The following BCAS3 variants were observed in gnomAD, a reference collection of about 807,000 sequenced individuals.
The protein encoded by BCAS3 is BCAS3 microtubule associated cell migration factor.
A neutral mutation model predicts 116.1 loss-of-function variants in BCAS3; 53 were observed. The ratio of observed to expected loss-of-function variants is 0.46; its 90% CI spans 0.37 to 0.57. The LOEUF (loss-of-function observed/expected upper bound fraction) is 0.57, where lower values mean the gene tolerates loss of function less well. Among genes scored for constraint, BCAS3 ranks in the 20% least tolerant of loss-of-function variants. BCAS3 has a pLI of 0.00. For missense variants in BCAS3, 917 were observed against 1,165.4 expected, an observed-to-expected ratio of 0.79 and a Z score of 3.10; for synonymous variants, 391 against 408.2, an observed-to-expected ratio of 0.96 and a Z score of 0.51.
In BCAS3 at chr17:61,354,072, A is replaced by G. The variant is rs1252365510; in HGVS notation, c.2426-14255A>G. On this transcript the variant is annotated intron_variant, in intron 22 of 23. Coordinates refer to ENST00000407086, the MANE Select transcript of BCAS3 (RefSeq NM_017679.5). This position sits in a 1 kb window ranked among gnomAD's most constrained non-coding sequence, Gnocchi z 4.5. ...CCCCGCTGGTTCTACTTCCGCACCC[A>G]CCTCTGGCAGCCATGATGCTTCTGC... 1 of 151,972 alleles carries G rather than the reference A, an allele frequency of 6.6e-6. No homozygotes were observed. The highest frequency in any genetic ancestry group is 1.5e-5 in the Non-Finnish European group (1 of 68,062). 9.4% of individuals were successfully genotyped at this position (151,972 alleles called of 1,614,324 possible).
intron 6 of BCAS3, among the ~76,000 whole-genome samples, chr17:60,802,360 A>C (rs1364444454): frequency 7.8e-6 from 1 of 128,256 alleles, no homozygotes; most frequent in Non-Finnish European, 1.5e-5. Context: ...ACACACATAC[A>C]TACATACATA....
At chr17:60,948,336 A>G (rs1047646309) in intron 14 of BCAS3, among the ~76,000 whole-genome samples, 16 of 152,100 alleles carry the variant, frequency 1.1e-4, no homozygotes, top group Non-Finnish European at 1.9e-4. Context: ...CTCTTGACCA[A>G]GCTGGTCTCA....
chr17:60,815,656 C>A (rs1431730310), intron 7 of BCAS3, among the ~76,000 whole-genome samples: 1 of 152,126 alleles, frequency 6.6e-6, no homozygotes, highest in Non-Finnish European at 1.5e-5. Flanking sequence ...ATAGGTGATA[C>A]GAGGAACCAT....
At position 61,318,599 on chromosome 17, in the gene BCAS3, T is replaced by G. The variant is rs148344919; in HGVS notation, c.2426-49728T>G. ...AACTGCCAACAGATGACGGGTTATT[T>G]CCCGTGTTTCTCCCCACCCTGCAGT... On this transcript the variant is annotated intron_variant, in intron 22 of 23. Transcript: ENST00000407086. Among the ~76,000 whole-genome samples the G allele has an allele frequency of 5.1e-4, 78 of 152,264 alleles. No homozygotes were observed. In the East Asian group the frequency reaches 0.015, roughly 28 times the overall value.
intron 19 of BCAS3, among the ~76,000 whole-genome samples, chr17:61,047,215 C>A (rs2068435599): frequency 6.6e-6 from 1 of 151,874 alleles, no homozygotes; most frequent in Non-Finnish European, 1.5e-5. Flanking sequence ...TGCTGTATCA[C>A]AAATTGATAC....
At chr17:60,688,463 AT>A (rs1220629980) in intron 3 of BCAS3, among the ~76,000 whole-genome samples, 1 of 151,510 alleles carries the variant, frequency 6.6e-6, no homozygotes, top group East Asian at 2.0e-4. Context: ...CCATGCCCAG[AT>A]TTTTTTTCTG....
chr17:61,358,019 C>A (rs2058251237), intron 22 of BCAS3, among the ~76,000 whole-genome samples: 1 of 150,302 alleles, frequency 6.7e-6, no homozygotes, highest in South Asian at 2.1e-4. Context: ...GCCCGGGGGG[C>A]AGAGGTTACA....
intron 13 of BCAS3, among the ~76,000 whole-genome samples, chr17:60,942,941 T>C (rs1325704121): frequency 6.6e-6 from 1 of 152,162 alleles, no homozygotes; most frequent in African/African-American, 2.4e-5. Flanking sequence ...AAGTTAGATA[T>C]GTGTATTATA....
Position 61,315,553 on chromosome 17 carries a change from G to A in BCAS3, c.2426-52774G>A, listed in dbSNP as rs1254665968. Among the ~76,000 whole-genome samples, 3 of 152,194 alleles carry A rather than the reference G, an allele frequency of 2.0e-5. No homozygotes were observed. The highest frequency in any genetic ancestry group is 1.9e-4 in the East Asian group (1 of 5,190). On this transcript the variant is annotated intron_variant, in intron 22 of 23. Coordinates refer to ENST00000407086, the MANE Select transcript of BCAS3 (RefSeq NM_017679.5). This position sits in a 1 kb window ranked among gnomAD's most constrained non-coding sequence, Gnocchi z 5.3. ...CCCATGGAAGAGGTTGCACAGCGTC[G>A]CTGGTTAATGGCAAAGCCCAGGTAT...
chr17:61,388,690 G>A lies in BCAS3; in HGVS notation c.2594-3287G>A. ...GAGCAACCCAACAGTAACAAAGCAT[G>A]CGTTCGGGATGGAGGAAGGTAAGGC... On this transcript the variant is annotated intron_variant, in intron 23 of 23. Coordinates refer to ENST00000407086, the MANE Select transcript of BCAS3 (RefSeq NM_017679.5). This position sits in a 1 kb window ranked among gnomAD's most constrained non-coding sequence, Gnocchi z 6.5. 6.4e-7 allele frequency: 1 copy of A among 1,550,554 alleles called. No homozygotes were observed. The highest frequency in any genetic ancestry group is 8.7e-7 in the Non-Finnish European group (1 of 1,155,834).
intron 6 of BCAS3, among the ~76,000 whole-genome samples, chr17:60,794,786 C>T (rs1160642853): frequency 6.6e-6 from 1 of 152,126 alleles, no homozygotes; most frequent in Non-Finnish European, 1.5e-5. Context: ...TAAAGTACCA[C>T]ACTGTTTTGG....
chr17:60,759,297 A>G (rs1309268796), intron 6 of BCAS3, among the ~76,000 whole-genome samples: 3 of 152,252 alleles, frequency 2.0e-5, no homozygotes, highest in Non-Finnish European at 4.4e-5. Context: ...GCCTGGCAAC[A>G]TAGCAAGTCC....
At chr17:61,091,929 A>T (rs1446428310) in intron 22 of BCAS3, among the ~76,000 whole-genome samples, 1 of 152,202 alleles carries the variant, frequency 6.6e-6, no homozygotes, top group African/African-American at 2.4e-5. Flanking sequence ...TGTTTTAATC[A>T]TACAGCTTGA....
At chr17:60,778,901 G>C (rs148138230) in intron 6 of BCAS3, among the ~76,000 whole-genome samples, 95 of 152,218 alleles carry the variant, frequency 6.2e-4, no homozygotes, top group African/African-American at 2.1e-3. Flanking sequence ...AGTATAGTTT[G>C]TATACATATT....
chr17:61,170,611 C>G (rs1252133668), intron 22 of BCAS3, among the ~76,000 whole-genome samples: 1 of 152,002 alleles, frequency 6.6e-6, no homozygotes, highest in Non-Finnish European at 1.5e-5. Context: ...TAATGGTTTT[C>G]AAGGTATTGG....
At chr17:60,788,196 A>G (rs56802378) in intron 6 of BCAS3, among the ~76,000 whole-genome samples, 7,124 of 152,242 alleles carry the variant, frequency 0.047, 499 homozygotes, top group African/African-American at 0.15. Context: ...GTTGATCATT[A>G]ATTTTTTTTG....
At chr17:60,745,351 G>T (rs2041938289) in intron 5 of BCAS3, among the ~76,000 whole-genome samples, 1 of 151,762 alleles carries the variant, frequency 6.6e-6, no homozygotes, top group Non-Finnish European at 1.5e-5. Flanking sequence ...TAAATGGCTT[G>T]GCAGTGTTTT....
chr17:60,974,191 G>A (rs963730420), intron 14 of BCAS3, among the ~76,000 whole-genome samples: 1 of 152,046 alleles, frequency 6.6e-6, no homozygotes, highest in African/African-American at 2.4e-5. Context: ...ATCCCAAAAT[G>A]TTATCATTCT....
chr17:61,082,016 A>G lies in BCAS3; in HGVS notation c.2328-2451A>G, dbSNP rs1191209096. 1.3e-5 allele frequency among the ~76,000 whole-genome samples: 2 copies of G among 152,170 alleles called. No homozygotes were observed. The highest frequency in any genetic ancestry group is 4.8e-5 in the African/African-American group (2 of 41,434). On this transcript the variant is annotated intron_variant, in intron 21 of 23. Coordinates refer to ENST00000407086, the MANE Select transcript of BCAS3 (RefSeq NM_017679.5). This position sits in a 1 kb window ranked among gnomAD's most constrained non-coding sequence, Gnocchi z 5.1. Reference sequence around the variant, plus strand: ...TCTTCCTCCCTGCCGCCTAACCAAAATGGGAAACAGGCAGGCATAGTGTTG... The same window carrying G: ...TCTTCCTCCCTGCCGCCTAACCAAAGTGGGAAACAGGCAGGCATAGTGTTG...
Sources: gnomAD v4.1 joint callset for allele counts (sites outside exome capture counted in the v4.1 genomes callset) on GRCh38, gnomAD v4.1.1 for gene constraint, Gnocchi (gnomAD v3.1) non-coding constraint, MANE v1.5 for transcripts, NCBI Gene and HGNC (gene_info 2026-07-23, HGNC 2026-07-21) for gene names.